The following SMAP1 variants were observed in gnomAD, a reference collection of about 807,000 sequenced individuals.
SMAP1 encodes small ArfGAP 1, also known as stromal membrane-associated protein 1.
Under a neutral mutation model 58.5 loss-of-function variants are expected in SMAP1, and 24 were observed. The observed-to-expected ratio is 0.41, with a 90% CI of 0.30 to 0.58. The LOEUF (loss-of-function observed/expected upper bound fraction) is 0.58, where lower values mean the gene tolerates loss of function less well. Among genes scored for constraint, SMAP1 ranks in the 20% least tolerant of loss-of-function variants. The pLI, the probability that SMAP1 is intolerant of heterozygous loss-of-function variation, is 0.29. For synonymous variants in SMAP1, 216 were observed against 196.6 expected (o/e 1.10, Z -0.82); for missense variants, 563 against 566.3 (o/e 0.99, Z 0.06).
At chr6:70,731,136 C>T (rs1051094979) in intron 1 of SMAP1, among the ~76,000 whole-genome samples, 1 of 152,200 alleles carries the variant, frequency 6.6e-6, no homozygotes, top group Non-Finnish European at 1.5e-5. Context: ...TATATACATA[C>T]ATTTTTCATA....
At chr6:70,828,102 C>T (rs776826833) in intron 6 of SMAP1, among the ~76,000 whole-genome samples, 13 of 151,986 alleles carry the variant, frequency 8.6e-5, no homozygotes, top group Non-Finnish European at 1.8e-4. Context: ...CATACAAATA[C>T]AAACAGATAT....
chr6:70,677,650 A>G (rs143467239), intron 1 of SMAP1, among the ~76,000 whole-genome samples: 3 of 123,074 alleles, frequency 2.4e-5, no homozygotes, highest in African/African-American at 8.5e-5. Flanking sequence ...GTCAGTGTTT[A>G]CTATTATTAT....
chr6:70,824,046 C>A (rs1358320622), intron 6 of SMAP1, among the ~76,000 whole-genome samples: 6 of 152,058 alleles, frequency 3.9e-5, no homozygotes, highest in African/African-American at 9.7e-5. Flanking sequence ...TCAGGTTTTC[C>A]TACCTTGGGA....
At chr6:70,832,835 T>TAG (rs921939572) in intron 6 of SMAP1, among the ~76,000 whole-genome samples, 6 of 152,196 alleles carry the variant, frequency 3.9e-5, no homozygotes, top group African/African-American at 1.4e-4. Flanking sequence ...TCATCATCTC[T>TAG]TACTAGACTC....
intron 2 of SMAP1, among the ~76,000 whole-genome samples, chr6:70,745,660 C>G (rs974108958): frequency 3.3e-5 from 5 of 152,114 alleles, no homozygotes; most frequent in Admixed American, 2.6e-4. Flanking sequence ...AATGTGGGCT[C>G]TTTTTTGGTT....
At chr6:70,724,491 C>A (rs1768678757) in intron 1 of SMAP1, among the ~76,000 whole-genome samples, 1 of 152,148 alleles carries the variant, frequency 6.6e-6, no homozygotes, top group African/African-American at 2.4e-5. Context: ...CCACTGCACC[C>A]GGTCAAGATA....
At chr6:70,789,235 C>T (rs1229846617) in intron 4 of SMAP1, among the ~76,000 whole-genome samples, 1 of 152,044 alleles carries the variant, frequency 6.6e-6, no homozygotes, top group East Asian at 1.9e-4. Flanking sequence ...AGGTACAGAT[C>T]AATGAATTTT....
At chr6:70,778,451 A>G (rs117868660) in intron 4 of SMAP1, among the ~76,000 whole-genome samples, 3,572 of 152,324 alleles carry the variant, frequency 0.023, 52 homozygotes, top group Non-Finnish European at 0.037. Flanking sequence ...CTTTTTCTGT[A>G]TCTGTTGAAA....
Position 70,830,041 on chromosome 6 carries a change from C to T in SMAP1, c.577-6900C>T, listed in dbSNP as rs371987430. On this transcript the variant is annotated intron_variant, in intron 6 of 10. Transcript: ENST00000370455. ...CTAATAAAAGCTTTAATAATTTGAA[C>T]GAGACATCTGCTCAATGTGATTCTA... is the stretch of plus-strand genomic sequence containing the variant. 2.4e-4 allele frequency among the ~76,000 whole-genome samples: 36 copies of T among 152,212 alleles called. 1 individual carries two copies. In the East Asian group the frequency reaches 4.0e-3, roughly 17 times the overall value.
intron 1 of SMAP1, among the ~76,000 whole-genome samples, chr6:70,725,071 T>A (rs559694689): frequency 6.9e-6 from 1 of 145,984 alleles, no homozygotes; most frequent in Non-Finnish European, 1.5e-5. Context: ...TTGCTCAGAC[T>A]CCATATCCTA....
At chr6:70,824,753 T>G (rs1182103188) in intron 6 of SMAP1, among the ~76,000 whole-genome samples, 1 of 152,172 alleles carries the variant, frequency 6.6e-6, no homozygotes, top group Non-Finnish European at 1.5e-5. Flanking sequence ...GATACACATA[T>G]TTTCTATCAA....
At chr6:70,732,924 G>A (rs1331057467) in intron 2 of SMAP1, among the ~76,000 whole-genome samples, 2 of 152,128 alleles carry the variant, frequency 1.3e-5, no homozygotes, top group East Asian at 3.9e-4. Flanking sequence ...TTCAGACAAG[G>A]CCCAGAAGTT....
intron 6 of SMAP1, among the ~76,000 whole-genome samples, chr6:70,805,804 A>T (rs943354326): frequency 6.6e-6 from 1 of 152,092 alleles, no homozygotes; most frequent in African/African-American, 2.4e-5. Context: ...TCTACTGTGG[A>T]CGCTGTTTTC....
intron 6 of SMAP1, among the ~76,000 whole-genome samples, chr6:70,809,866 T>C (rs186686590): frequency 6.6e-6 from 1 of 152,288 alleles, no homozygotes; most frequent in East Asian, 1.9e-4. Context: ...TGTTTATAGA[T>C]TTTTAAAGGA....
intron 6 of SMAP1, among the ~76,000 whole-genome samples, chr6:70,826,245 C>T (rs140910405): frequency 2.9e-4 from 44 of 152,274 alleles, no homozygotes; most frequent in African/African-American, 1.0e-3. Flanking sequence ...TTATAAAGCA[C>T]TCTAGGTCAT....
chr6:70,683,946 CA>C (rs1325480570), intron 1 of SMAP1, among the ~76,000 whole-genome samples: 1 of 152,212 alleles, frequency 6.6e-6, no homozygotes. Context: ...CCTTGACCTT[CA>C]CAAAAGATAG....
chr6:70,817,339 T>A (rs1474703889), intron 6 of SMAP1, among the ~76,000 whole-genome samples: 1 of 152,112 alleles, frequency 6.6e-6, no homozygotes, highest in East Asian at 1.9e-4. Flanking sequence ...CATAGTTGAT[T>A]TAAAAACATC....
At chr6:70,767,372 C>T (rs1294031071) in intron 3 of SMAP1, among the ~76,000 whole-genome samples, 15 of 152,146 alleles carry the variant, frequency 9.9e-5, no homozygotes, top group Middle Eastern at 3.4e-3. Context: ...ACTCTTCCTA[C>T]CCATGAGCAT....
chr6:70,766,920 T>C (rs2097373844), intron 3 of SMAP1, among the ~76,000 whole-genome samples: 1 of 152,194 alleles, frequency 6.6e-6, no homozygotes, highest in Admixed American at 6.5e-5. Context: ...AATTAATTTT[T>C]GTATAAGGTG....
Sources: allele counts gnomAD v4.1 joint callset (sites outside exome capture counted in the v4.1 genomes callset), GRCh38; gene constraint gnomAD v4.1.1; transcripts MANE v1.5; gene names NCBI Gene and HGNC (gene_info 2026-07-23, HGNC 2026-07-21).